The following SORCS1 variants were observed in gnomAD, a reference collection of about 807,000 sequenced individuals.
SORCS1 encodes VPS10 domain-containing receptor SorCS1.
Under a neutral mutation model 146.1 loss-of-function variants are expected in SORCS1, and 60 were observed. The observed-to-expected ratio is 0.41, with a 90% CI of 0.33 to 0.51. The LOEUF (loss-of-function observed/expected upper bound fraction) is 0.51. Among genes scored for constraint, SORCS1 ranks in the 20% least tolerant of loss-of-function variants. The pLI is 0.21. For missense variants in SORCS1, 1,352 were observed against 1,487.6 expected (o/e 0.91, Z 1.50); for synonymous variants, 637 against 584.0 (o/e 1.09, Z -1.31).
At chr10:106,639,911 G>A (rs548400279) in intron 18 of SORCS1, among the ~76,000 whole-genome samples, 4 of 151,990 alleles carry the variant, frequency 2.6e-5, no homozygotes, top group Non-Finnish European at 5.9e-5. Flanking sequence ...CCAGCTACTC[G>A]GGAGGCTGAG....
At chr10:107,075,378 C>T (rs1289165378) in intron 1 of SORCS1, among the ~76,000 whole-genome samples, 1 of 152,098 alleles carries the variant, frequency 6.6e-6, no homozygotes, top group Non-Finnish European at 1.5e-5. Flanking sequence ...CAAAGGTCTT[C>T]TATGATGCAG....
Position 106,647,526 on chromosome 10 carries a change from C to T in SORCS1, c.2475+4856G>A, listed in dbSNP as rs529959802. Among the ~76,000 whole-genome samples the T allele has an allele frequency of 3.4e-4, 51 of 152,124 alleles. 1 individual carries two copies. The South Asian group carries it at 4.6e-3, about 14-fold the overall frequency. ...GTAATTAAGATAGGTTTTAAATTCA[C>T]AAGGGAACAGAATAGAGTGCCTAGA... On this transcript the variant is annotated intron_variant, in intron 18 of 25. Transcript: ENST00000263054.
chr10:106,818,603 A>T (rs1465079612), intron 3 of SORCS1, among the ~76,000 whole-genome samples: 2 of 152,150 alleles, frequency 1.3e-5, no homozygotes, highest in Non-Finnish European at 2.9e-5. Context: ...TGACCTGGTG[A>T]TCCGCCTGCC....
intron 2 of SORCS1, among the ~76,000 whole-genome samples, chr10:106,873,709 C>A (rs1211584264): frequency 6.6e-6 from 1 of 152,148 alleles, no homozygotes; most frequent in Non-Finnish European, 1.5e-5. Flanking sequence ...CTCCAATTCA[C>A]CTCAATTAGG....
chr10:106,801,285 G>A (rs1419417654), intron 3 of SORCS1, among the ~76,000 whole-genome samples: 2 of 152,078 alleles, frequency 1.3e-5, no homozygotes, highest in Non-Finnish European at 2.9e-5. Context: ...AAGGAATAAA[G>A]GCAAGAGAAG....
chr10:106,862,893 A>C (rs1445859206), intron 2 of SORCS1, among the ~76,000 whole-genome samples: 1 of 152,194 alleles, frequency 6.6e-6, no homozygotes, highest in Non-Finnish European at 1.5e-5. Flanking sequence ...AAAGTCATGA[A>C]AAGAATCCAG....
At chr10:106,952,147 T>TTA (rs1954715393) in intron 2 of SORCS1, among the ~76,000 whole-genome samples, 1 of 152,212 alleles carries the variant, frequency 6.6e-6, no homozygotes, top group African/African-American at 2.4e-5. Flanking sequence ...CTAACTTTAG[T>TTA]GAGTCAGGGA....
Position 106,584,434 on chromosome 10 carries a change from T to C in SORCS1, c.3266-4960A>G, listed in dbSNP as rs189016691. Among the ~76,000 whole-genome samples the C allele has an allele frequency of 4.6e-5, 7 of 152,324 alleles. No individual in the cohort carries two copies. The East Asian group carries it at 1.4e-3, about 29-fold the overall frequency. The stretch of plus-strand genomic sequence containing the variant: ...AGCTCTGGCGTCCTGGGTTCCTATG[T>C]AACCAAACCAAAACCCAAGTAAAGA... On this transcript the variant is annotated intron_variant, in intron 24 of 25. Transcript: ENST00000263054.
intron 1 of SORCS1, among the ~76,000 whole-genome samples, chr10:107,005,195 C>T (rs1470883941): frequency 1.3e-5 from 2 of 152,030 alleles, no homozygotes; most frequent in Non-Finnish European, 2.9e-5. Flanking sequence ...CTTGGTTGCT[C>T]GCACCTATAA....
intron 2 of SORCS1, among the ~76,000 whole-genome samples, chr10:106,843,316 T>C (rs1949137017): frequency 6.6e-6 from 1 of 152,170 alleles, no homozygotes; most frequent in South Asian, 2.1e-4. Flanking sequence ...GGCTCTTTTA[T>C]AGATTCCACA....
chr10:106,581,528 G>A (rs1307583839), intron 24 of SORCS1, among the ~76,000 whole-genome samples: 1 of 152,014 alleles, frequency 6.6e-6, no homozygotes, highest in Admixed American at 6.6e-5. Flanking sequence ...CTTACGTTTG[G>A]AAGACAGGTA....
chr10:106,636,630 T>C (rs1480253939), intron 18 of SORCS1, among the ~76,000 whole-genome samples: 1 of 152,130 alleles, frequency 6.6e-6, no homozygotes. Context: ...GAAAACAGCA[T>C]GGGGGAAACC....
In SORCS1 at chr10:106,963,110, ATT is replaced by A. The variant is rs749174613; in HGVS notation, c.559-6532_559-6531del. Among the ~76,000 whole-genome samples, 43 of 76,304 alleles carry A rather than the reference ATT, an allele frequency of 5.6e-4. 1 individual carries two copies. Among genetic ancestry groups the A allele is most frequent in the Middle Eastern group, 0.026 (2 of 76 alleles). The allele number at this position is 76,304 out of a possible 152,430, so 50.1% of individuals were successfully genotyped here. A position where few individuals can be genotyped will look rare whatever the true frequency, so the allele number is the denominator to read the frequency against. ...AAGAGAGCAGTGTTCAATGGCCAGA[ATT>A]TTTTTTTTTTTTTTTTTTTTTTTGA... On this transcript the variant is annotated intron_variant, in intron 1 of 25. Coordinates refer to ENST00000263054, the MANE Select transcript of SORCS1 (RefSeq NM_052918.5).
At position 106,850,360 on chromosome 10, in the gene SORCS1, C is replaced by T. The variant is rs554767433; in HGVS notation, c.627-20687G>A. On this transcript the variant is annotated intron_variant, in intron 2 of 25. Coordinates refer to ENST00000263054, the MANE Select transcript of SORCS1 (RefSeq NM_052918.5). Reference sequence around the variant, plus strand: ...AGTGACCCGATTTTCCAGGTGCGTCCGTCACCCCTTTCTTTGACTCGGAAA... The same window carrying T: ...AGTGACCCGATTTTCCAGGTGCGTCTGTCACCCCTTTCTTTGACTCGGAAA... Among the ~76,000 whole-genome samples, 507 of 152,112 alleles carry T rather than the reference C, an allele frequency of 3.3e-3. 1 individual carries two copies. Among genetic ancestry groups the T allele is most frequent in the African/African-American group, 4.1e-3 (170 of 41,474 alleles).
At chr10:107,012,141 CA>C (rs546885752) in intron 1 of SORCS1, among the ~76,000 whole-genome samples, 150 of 152,212 alleles carry the variant, frequency 9.9e-4, no homozygotes, top group Middle Eastern at 3.4e-3. Flanking sequence ...AAGACTGAAA[CA>C]GGGACATTTT....
chr10:106,647,808 A>T (rs1488591784), intron 18 of SORCS1, among the ~76,000 whole-genome samples: 1 of 152,208 alleles, frequency 6.6e-6, no homozygotes, highest in Non-Finnish European at 1.5e-5. Context: ...AAGTGACAAA[A>T]ATCACTAATT....
intron 6 of SORCS1, among the ~76,000 whole-genome samples, chr10:106,713,387 T>C (rs901931879): frequency 1.3e-5 from 2 of 152,264 alleles, no homozygotes; most frequent in African/African-American, 4.8e-5. Flanking sequence ...AATGAGGACT[T>C]GATGCATACA....
At chr10:106,867,643 T>C (rs1950269942) in intron 2 of SORCS1, among the ~76,000 whole-genome samples, 1 of 152,206 alleles carries the variant, frequency 6.6e-6, no homozygotes, top group African/African-American at 2.4e-5. Context: ...CTGGCCCAAC[T>C]AACTTCCTAA....
At chr10:106,943,984 A>C (rs550928126) in intron 2 of SORCS1, among the ~76,000 whole-genome samples, 56 of 152,182 alleles carry the variant, frequency 3.7e-4, no homozygotes, top group African/African-American at 1.3e-3. Flanking sequence ...AACTCACCCA[A>C]CAACTGGTCC....
Sources: allele counts gnomAD v4.1 joint callset (sites outside exome capture counted in the v4.1 genomes callset), GRCh38; gene constraint gnomAD v4.1.1; transcripts MANE v1.5; gene names NCBI Gene and HGNC (gene_info 2026-07-23, HGNC 2026-07-21).